NKAIN3: variants seen among roughly 807,000 people sequenced by gnomAD.
NKAIN3 encodes sodium/potassium transporting ATPase interacting 3, also known as sodium/potassium-transporting ATPase subunit beta-1-interacting protein 3.
A neutral mutation model predicts 30.2 loss-of-function variants in NKAIN3; 25 were observed. That is an observed-to-expected ratio of 0.83 (90% CI 0.60 to 1.16). The LOEUF (loss-of-function observed/expected upper bound fraction) is 1.16. Ranked by LOEUF, NKAIN3 falls within the 50% of genes most tolerant of loss-of-function variation. NKAIN3 has a pLI of 0.00. For synonymous variants in NKAIN3, 91 were observed against 89.6 expected (o/e 1.02, Z -0.09); for missense variants, 225 against 254.1 (o/e 0.89, Z 0.78).
chr8:62,306,464 G>A lies in NKAIN3; in HGVS notation c.54+57337G>A, dbSNP rs1410356229. 2.0e-5 allele frequency among the ~76,000 whole-genome samples: 3 copies of A among 150,088 alleles called. 1 individual carries two copies. The highest frequency in any genetic ancestry group is 6.8e-3 in the Middle Eastern group (2 of 294). ...TTAATGAGATAGTTTTTCCCAGTGC[G>A]AGCCCTACCTGACTGACTGTATTCG... On this transcript the variant is annotated intron_variant, in intron 1 of 6. Coordinates refer to ENST00000623646, the MANE Select transcript of NKAIN3 (RefSeq NM_001304533.3).
At chr8:62,816,100 A>G (rs1313256715) in intron 4 of NKAIN3, among the ~76,000 whole-genome samples, 1 of 152,008 alleles carries the variant, frequency 6.6e-6, no homozygotes, top group African/African-American at 2.4e-5. Context: ...TTGCTTTTTA[A>G]TATTTCCTAT....
intron 5 of NKAIN3, among the ~76,000 whole-genome samples, chr8:62,929,281 A>G (rs1822543972): frequency 6.6e-6 from 1 of 152,186 alleles, no homozygotes; most frequent in African/African-American, 2.4e-5. Context: ...CTGCATTGTA[A>G]ATCCCGTATT....
chr8:62,281,921 A>G (rs2129396775), intron 1 of NKAIN3, among the ~76,000 whole-genome samples: 1 of 152,180 alleles, frequency 6.6e-6, no homozygotes, highest in Admixed American at 6.6e-5. Context: ...TTTTTTTTAA[A>G]AAAGCATGCT....
At chr8:62,721,316 C>T (rs1436578940) in intron 3 of NKAIN3, among the ~76,000 whole-genome samples, 1 of 152,166 alleles carries the variant, frequency 6.6e-6, no homozygotes, top group South Asian at 2.1e-4. Flanking sequence ...TATTATCATA[C>T]TGCTACTTTG....
intron 1 of NKAIN3, among the ~76,000 whole-genome samples, chr8:62,257,180 G>A (rs1812288928): frequency 6.6e-6 from 1 of 152,088 alleles, no homozygotes; most frequent in African/African-American, 2.4e-5. Flanking sequence ...CTGTGTAATA[G>A]ATCTCAAACT....
intron 1 of NKAIN3, among the ~76,000 whole-genome samples, chr8:62,370,482 T>A (rs868396675): frequency 3.3e-5 from 5 of 151,962 alleles, no homozygotes; most frequent in Non-Finnish European, 4.4e-5. Context: ...ATTGCATACA[T>A]GTATATATAC....
chr8:62,385,138 A>G (rs1239623515), intron 1 of NKAIN3, among the ~76,000 whole-genome samples: 2 of 152,144 alleles, frequency 1.3e-5, no homozygotes, highest in Non-Finnish European at 2.9e-5. Context: ...CCAGTTTCCC[A>G]GAGGAATAAG....
At chr8:62,608,857 C>T (rs2054531) in intron 3 of NKAIN3, among the ~76,000 whole-genome samples, 83,641 of 151,914 alleles carry the variant, frequency 0.55, 25,584 homozygotes, top group African/African-American at 0.84. Flanking sequence ...AATTAAGATA[C>T]ACTTTCATAG....
At chr8:62,884,435 T>C (rs936552410) in intron 4 of NKAIN3, among the ~76,000 whole-genome samples, 1 of 152,140 alleles carries the variant, frequency 6.6e-6, no homozygotes, top group African/African-American at 2.4e-5. Flanking sequence ...ATTTTCTATT[T>C]TTAGTAGAGA....
intron 3 of NKAIN3, among the ~76,000 whole-genome samples, chr8:62,698,895 A>G (rs1814246454): frequency 6.6e-6 from 1 of 152,212 alleles, no homozygotes; most frequent in African/African-American, 2.4e-5. Context: ...AATAAGCACT[A>G]TTGAGGTAGC....
At chr8:62,529,600 C>A (rs570581787) in intron 1 of NKAIN3, among the ~76,000 whole-genome samples, 14 of 152,190 alleles carry the variant, frequency 9.2e-5, no homozygotes, top group African/African-American at 2.4e-4. Flanking sequence ...GGAGGACAAC[C>A]ATCTGAGAGG....
intron 3 of NKAIN3, among the ~76,000 whole-genome samples, chr8:62,652,462 C>T (rs1399516531): frequency 1.3e-5 from 2 of 152,130 alleles, no homozygotes; most frequent in African/African-American, 4.8e-5. Flanking sequence ...CATTTGTTCT[C>T]ACAATAAAGA....
intron 4 of NKAIN3, among the ~76,000 whole-genome samples, chr8:62,870,257 T>G (rs867383210): frequency 3.7e-3 from 313 of 83,994 alleles, no homozygotes; most frequent in African/African-American, 6.2e-3. Context: ...TATCTATATA[T>G]ATATCTATAT....
chr8:62,742,758 T>G (rs956983173), intron 3 of NKAIN3, among the ~76,000 whole-genome samples: 10 of 152,200 alleles, frequency 6.6e-5, no homozygotes, highest in African/African-American at 2.4e-4. Flanking sequence ...TGGTTTAGCA[T>G]TAACCCATTG....
intron 1 of NKAIN3, among the ~76,000 whole-genome samples, chr8:62,531,673 T>A (rs1300759471): frequency 6.6e-6 from 1 of 152,182 alleles, no homozygotes; most frequent in Non-Finnish European, 1.5e-5. Context: ...GCATACATTT[T>A]TTCTGACTAA....
At chr8:62,633,085 C>T (rs1812017903) in intron 3 of NKAIN3, among the ~76,000 whole-genome samples, 2 of 152,064 alleles carry the variant, frequency 1.3e-5, no homozygotes, top group African/African-American at 4.8e-5. Context: ...GAGCCTAATA[C>T]TCCTAACTAC....
At chr8:62,755,144 G>A (rs748944044) in intron 4 of NKAIN3, among the ~76,000 whole-genome samples, 7 of 152,130 alleles carry the variant, frequency 4.6e-5, no homozygotes, top group Non-Finnish European at 1.0e-4. Flanking sequence ...CATTTTATAT[G>A]TGTGAAAACT....
intron 4 of NKAIN3, among the ~76,000 whole-genome samples, chr8:62,915,512 G>A (rs769551368): frequency 6.6e-6 from 1 of 152,108 alleles, no homozygotes; most frequent in Non-Finnish European, 1.5e-5. Flanking sequence ...TTTTAGCCTC[G>A]TAAGGCCCAT....
intron 1 of NKAIN3, among the ~76,000 whole-genome samples, chr8:62,402,091 G>C (rs1192302938): frequency 3.3e-5 from 5 of 152,186 alleles, no homozygotes; most frequent in African/African-American, 1.2e-4. Context: ...TATCAACCTG[G>C]TGCTCTTTTT....
Sources: allele counts gnomAD v4.1 joint callset (sites outside exome capture counted in the v4.1 genomes callset), GRCh38; gene constraint gnomAD v4.1.1; transcripts MANE v1.5; gene names NCBI Gene and HGNC (gene_info 2026-07-23, HGNC 2026-07-21).